Variants in ZFHX3 observed in about 807,000 individuals in gnomAD.
ZFHX3 encodes zinc finger homeobox 3, also known as zinc finger homeobox protein 3.
ZFHX3 carries 42 observed loss-of-function variants against 279.1 expected under a neutral mutation model. That is an observed-to-expected ratio of 0.15 (90% CI 0.12 to 0.19). ZFHX3 has a LOEUF of 0.19. ZFHX3 is among the 10% of genes least tolerant of loss of function. ZFHX3 has a pLI of 1.00. For missense variants in ZFHX3, 4,981 were observed against 4,754.0 expected (o/e 1.05, Z -1.40); for synonymous variants, 2,293 against 1,957.8 (o/e 1.17, Z -4.52).
At position 73,111,767 on chromosome 16, in the gene ZFHX3, G is replaced by A. The variant is rs1966377477; in HGVS notation, c.-896-18169C>T. Among the ~76,000 whole-genome samples the A allele has an allele frequency of 5.3e-5, 8 of 151,918 alleles. No homozygotes were observed. The South Asian group carries it at 1.7e-3, about 32-fold the overall frequency. ...GGGAGGAAGGAAGGGAGGAAGGGAAGGAGAGAGGGAGGGATTCGCCGTGCA... is the reference window on the plus strand; with the variant it reads ...GGGAGGAAGGAAGGGAGGAAGGGAAAGAGAGAGGGAGGGATTCGCCGTGCA... On this transcript the variant is annotated intron_variant, in intron 7 of 17. Transcript: ENST00000641206.
chr16:73,258,265 T>A (rs1003253552), intron 4 of ZFHX3, among the ~76,000 whole-genome samples: 8 of 152,014 alleles, frequency 5.3e-5, no homozygotes, highest in Non-Finnish European at 1.2e-4. Context: ...TTGGCAAGCA[T>A]TGGAAAAGAT....
intron 4 of ZFHX3, among the ~76,000 whole-genome samples, chr16:72,837,490 T>C (rs1321219525): frequency 6.6e-6 from 1 of 151,338 alleles, no homozygotes; most frequent in Non-Finnish European, 1.5e-5. Context: ...TTTTTTTTTT[T>C]TTTTTTGAGA....
At chr16:73,734,203 G>A (rs1391980136) in intron 1 of ZFHX3, among the ~76,000 whole-genome samples, 1 of 152,162 alleles carries the variant, frequency 6.6e-6, no homozygotes, top group African/African-American at 2.4e-5. Context: ...ACTTCCTGCT[G>A]TGCAGCCCGG....
At chr16:72,873,665 A>C (rs1285370641) in intron 4 of ZFHX3, among the ~76,000 whole-genome samples, 3 of 152,200 alleles carry the variant, frequency 2.0e-5, no homozygotes, top group Non-Finnish European at 2.9e-5. Context: ...TAAAAGCCTA[A>C]GTGCCTATTG....
At chr16:73,676,693 C>T (rs961809441) in intron 2 of ZFHX3, among the ~76,000 whole-genome samples, 2 of 151,848 alleles carry the variant, frequency 1.3e-5, no homozygotes, top group African/African-American at 4.8e-5. Flanking sequence ...TGAGTCACAA[C>T]ACCAAATCCA....
At chr16:73,134,198 G>A (rs1280563397) in intron 6 of ZFHX3, among the ~76,000 whole-genome samples, 1 of 152,052 alleles carries the variant, frequency 6.6e-6, no homozygotes, top group African/African-American at 2.4e-5. Flanking sequence ...TCTGACTTCA[G>A]GTACCATGCT....
Position 72,788,599 on chromosome 16 carries a change from A to G in ZFHX3, c.9677T>C (p.Leu3226Pro). ...GTCCTTGCGTTGCTGCTGCTGTTGCAGTGGGAGCTGTGGTGTGGGTGGCGG... is the reference window on the plus strand; with the variant it reads ...GTCCTTGCGTTGCTGCTGCTGTTGCGGTGGGAGCTGTGGTGTGGGTGGCGG... ...AQPPPTPQLP[L>P]QQQQQRKDKD... The change falls in exon 10 of 10, where the codon CTG becomes CCG. Residue 3226 changes from leucine to proline, a missense_variant. Physicochemically the swap from Leu to Pro is moderately conservative, Grantham distance 98 (BLOSUM62 -3). Transcript: ENST00000268489. 5 of 1,613,104 alleles carry G rather than the reference A, an allele frequency of 3.1e-6. No individual in the cohort carries two copies. The highest frequency in any genetic ancestry group is 4.2e-6 in the Non-Finnish European group (5 of 1,179,794).
intron 3 of ZFHX3, among the ~76,000 whole-genome samples, chr16:72,945,510 G>T (rs1467456155): frequency 6.6e-6 from 1 of 152,136 alleles, no homozygotes; most frequent in African/African-American, 2.4e-5. Context: ...TGCTCCAGGA[G>T]AAGGAGGGCA....
rs2035439523 is a variant in ZFHX3, at chr16:72,787,386, AG to A, written c.10889del (p.Pro3630LeufsTer64). ...VVSRASAAKP[P>X]SFPPLSSSST... ...AAGATGAGGAGAGAGGAGGAAAAGA[AG>A]GGGGCTTCGCTGCCGAAGCCCGGGA... is the stretch of plus-strand genomic sequence containing the variant. On this transcript the variant is annotated frameshift_variant, in exon 10 of 10. Transcript: ENST00000268489. LOFTEE classifies it high-confidence loss of function. The A allele has an allele frequency of 6.3e-7, 1 of 1,578,074 alleles. No homozygotes were observed. Among genetic ancestry groups the A allele is most frequent in the Admixed American group, 1.7e-5 (1 of 58,074 alleles).
chr16:72,800,190 T>A, intron 7 of ZFHX3, 61 bp from the exon 8 acceptor site: 2 of 1,440,708 alleles, frequency 1.4e-6, no homozygotes, highest in Non-Finnish European at 9.7e-7. Flanking sequence ...TAGGAAATGT[T>A]TAAAAATTAT....
intron 1 of ZFHX3, among the ~76,000 whole-genome samples, chr16:73,775,572 T>C (rs1959224859): frequency 1.3e-5 from 2 of 152,130 alleles, no homozygotes; most frequent in African/African-American, 2.4e-5. Context: ...GCCCCAGTTA[T>C]ATTTAGGCAG....
intron 2 of ZFHX3, among the ~76,000 whole-genome samples, chr16:73,516,987 A>G (rs528744824): frequency 1.2e-4 from 19 of 152,296 alleles, no homozygotes; most frequent in Admixed American, 1.0e-3. Flanking sequence ...AGAAAAACGC[A>G]TGATCAACAC....
At chr16:73,138,786 C>G (rs796447236) in intron 6 of ZFHX3, among the ~76,000 whole-genome samples, 1 of 152,154 alleles carries the variant, frequency 6.6e-6, no homozygotes, top group African/African-American at 2.4e-5. Context: ...TGCCCAGGCT[C>G]AAGTGATCCT....
chr16:73,879,026 A>C (rs1191289689), intron 1 of ZFHX3, among the ~76,000 whole-genome samples: 2 of 150,584 alleles, frequency 1.3e-5, no homozygotes, highest in Non-Finnish European at 3.0e-5. Context: ...ATCTCCTCCC[A>C]GCATTTTGCT....
chr16:72,907,899 G>A (rs996389986), intron 3 of ZFHX3, among the ~76,000 whole-genome samples: 1 of 151,854 alleles, frequency 6.6e-6, no homozygotes, highest in Non-Finnish European at 1.5e-5. Context: ...GACCAGGCTG[G>A]TCTCAAACTC....
intron 3 of ZFHX3, among the ~76,000 whole-genome samples, chr16:72,936,329 C>A (rs1567592919): frequency 2.0e-5 from 3 of 152,364 alleles, no homozygotes; most frequent in East Asian, 3.9e-4. Context: ...TGGTGTCACA[C>A]ACTGTTCTAA....
At chr16:73,303,824 A>AG (rs1257942045) in intron 4 of ZFHX3, among the ~76,000 whole-genome samples, 2 of 152,068 alleles carry the variant, frequency 1.3e-5, no homozygotes, top group Non-Finnish European at 2.9e-5. Flanking sequence ...GAGGCCACCG[A>AG]TTTGGACTAC....
chr16:73,278,276 TC>T (rs2014355158), intron 4 of ZFHX3, among the ~76,000 whole-genome samples: 1 of 152,220 alleles, frequency 6.6e-6, no homozygotes, highest in African/African-American at 2.4e-5. Context: ...CTCTTGTTAA[TC>T]AATTTTATCA....
intron 5 of ZFHX3, among the ~76,000 whole-genome samples, chr16:73,179,899 G>C (rs1307567007): frequency 6.6e-6 from 1 of 152,134 alleles, no homozygotes; most frequent in African/African-American, 2.4e-5. Flanking sequence ...CATACAGAGA[G>C]TGTCAGAGGC....
Sources: gnomAD v4.1 joint callset for allele counts (sites outside exome capture counted in the v4.1 genomes callset) on GRCh38, gnomAD v4.1.1 for gene constraint, MANE v1.5 for transcripts, NCBI Gene and HGNC (gene_info 2026-07-23, HGNC 2026-07-21) for gene names.